MON2: variants seen among roughly 807,000 people sequenced by gnomAD.
MON2 encodes MON2 regulator of endosome-to-Golgi trafficking.
MON2 carries 84 observed loss-of-function variants against 208.6 expected under a neutral mutation model. That is an observed-to-expected ratio of 0.40 (90% CI 0.34 to 0.48). The LOEUF (loss-of-function observed/expected upper bound fraction) is 0.48, where lower values mean the gene tolerates loss of function less well. Among genes scored for constraint, MON2 ranks in the 20% least tolerant of loss-of-function variants. The probability of loss-of-function intolerance (pLI) is 0.59; values close to 1 mark genes in which losing one functional copy is unlikely to be tolerated. For synonymous variants in MON2, 660 were observed against 694.0 expected, an observed-to-expected ratio of 0.95 and a Z score of 0.77; for missense variants, 1,611 against 2,015.4, an observed-to-expected ratio of 0.80 and a Z score of 3.84.
intron 24 of MON2, among the ~76,000 whole-genome samples, chr12:62,553,609 G>C (rs1053819877): frequency 5.3e-5 from 8 of 152,104 alleles, no homozygotes; most frequent in African/African-American, 1.4e-4. Context: ...ATTAACAGAT[G>C]AATATCAATA....
rs2068991943 is a variant in MON2, at chr12:62,474,998, A to C, written c.111+7680A>C. 2.0e-5 allele frequency among the ~76,000 whole-genome samples: 3 copies of C among 152,342 alleles called. No individual in the cohort carries two copies. In the South Asian group the frequency reaches 6.2e-4, roughly 32 times the overall value. ...GGCCTTTGACATACATTAATAGCAT[A>C]CATGACTTCAAATCATTCTGTATGT... On this transcript the variant is annotated intron_variant, in intron 1 of 34. Transcript: ENST00000393630.
chr12:62,565,543 T>C (rs570909827), intron 27 of MON2, among the ~76,000 whole-genome samples, 163 bp downstream of exon 27: 1 of 152,326 alleles, frequency 6.6e-6, no homozygotes, highest in South Asian at 2.1e-4. Context: ...GAAATATTGT[T>C]TGGGAAACTA....
chr12:62,562,037 C>T (rs1565688534), intron 26 of MON2, among the ~76,000 whole-genome samples: 1 of 152,022 alleles, frequency 6.6e-6, no homozygotes, highest in African/African-American at 2.4e-5. Flanking sequence ...AAGAATCTGG[C>T]ATTTAAAAAA....
intron 21 of MON2, among the ~76,000 whole-genome samples, chr12:62,545,948 T>C (rs1419074546): frequency 1.3e-5 from 2 of 152,192 alleles, no homozygotes; most frequent in Non-Finnish European, 1.5e-5. Context: ...ACTTAGTGCA[T>C]AGTGAAAGCT....
chr12:62,566,579 T>C, intron 29 of MON2, 129 bp downstream of exon 29: 1 of 969,144 alleles, frequency 1.0e-6, no homozygotes, highest in Non-Finnish European at 1.4e-6. Flanking sequence ...TTGTAATGAC[T>C]TTTCTCCAAT....
At chr12:62,509,134 A>C (rs191341034) in intron 8 of MON2, 1 of 110,636 alleles carries the variant, frequency 9.0e-6, no homozygotes, top group East Asian at 2.5e-4. Context: ...TTTTTTTTTG[A>C]GATGGAGTCT....
intron 22 of MON2, 149 bp downstream of exon 22, chr12:62,547,221 C>G (rs1394211014): frequency 2.0e-6 from 1 of 499,202 alleles, no homozygotes; most frequent in African/African-American, 2.0e-5. Context: ...TATGCGCTTC[C>G]TGCTTAAGGC....
At chr12:62,567,400 T>C (rs900205835) in intron 29 of MON2, among the ~76,000 whole-genome samples, 18 of 152,218 alleles carry the variant, frequency 1.2e-4, no homozygotes, top group African/African-American at 4.3e-4. Flanking sequence ...TCCATATCCC[T>C]TAAACAGTTT....
intron 19 of MON2, 82 bp downstream of exon 19, chr12:62,538,587 T>C (rs887911732): frequency 5.4e-6 from 5 of 923,522 alleles, no homozygotes; most frequent in Non-Finnish European, 8.5e-6. Context: ...AGTGTTTTAC[T>C]AGTAGAACTA....
At chr12:62,512,718 T>C (rs768568899) in intron 8 of MON2, among the ~76,000 whole-genome samples, 3 of 152,222 alleles carry the variant, frequency 2.0e-5, no homozygotes, top group Non-Finnish European at 4.4e-5. Flanking sequence ...GGTGCTCCAG[T>C]AGGGACTCTG....
At position 62,559,087 on chromosome 12, in the gene MON2, A is replaced by C. The variant is rs1434671550; in HGVS notation, c.3410-1404A>C. On this transcript the variant is annotated intron_variant, in intron 25 of 34. Transcript: ENST00000393630. Reference sequence around the variant, plus strand: ...TGTCCAGAGTAGGCAGATAGTACCTATTGTTTTATACCAGACCTACTTCAA... The same window carrying C: ...TGTCCAGAGTAGGCAGATAGTACCTCTTGTTTTATACCAGACCTACTTCAA... 3.3e-5 allele frequency among the ~76,000 whole-genome samples: 5 copies of C among 152,220 alleles called. No individual in the cohort carries two copies. In the South Asian group the frequency reaches 8.3e-4, roughly 25 times the overall value.
chr12:62,524,987 T>C, intron 9 of MON2, 97 bp from the exon 10 acceptor site: 1 of 1,033,866 alleles, frequency 9.7e-7, no homozygotes, highest in South Asian at 1.7e-5. Context: ...TAGTATAGTT[T>C]GGTAACTCTT....
intron 26 of MON2, among the ~76,000 whole-genome samples, chr12:62,562,994 T>C (rs193071686): frequency 2.1e-4 from 32 of 152,304 alleles, no homozygotes; most frequent in Middle Eastern, 3.4e-3. Flanking sequence ...GTATGTGCTT[T>C]ACTGTAAGTC....
chr12:62,547,065 G>T lies in MON2; in HGVS notation c.2746G>T (p.Asp916Tyr), dbSNP rs746358749. The T allele has an allele frequency of 6.5e-6, 10 of 1,529,534 alleles. No homozygotes were observed. The highest frequency in any genetic ancestry group is 1.3e-5 in the South Asian group (1 of 74,096). The allele number at this position is 1,529,534 out of a possible 1,614,324, so 94.7% of individuals were successfully genotyped here. ...VLGVMGAIRN[D>Y]QGESLIRTAF... ...TGGAGTCATGGGAGCAATCAGAAAT[G>T]ATCAAGGGTAAGTATTTAAAATTAT... is the stretch of plus-strand genomic sequence containing the variant. The change falls in exon 22 of 35, where the codon GAT becomes TAT. Residue 916 changes from aspartate to tyrosine, a missense_variant. Physicochemically the swap from Asp to Tyr is radical, Grantham distance 160 (BLOSUM62 -3). Transcript: ENST00000393630.
At chr12:62,526,144 G>A in intron 11 of MON2, 42 bp downstream of exon 11, 1 of 1,574,066 alleles carries the variant, frequency 6.4e-7, no homozygotes, top group Non-Finnish European at 8.7e-7. Context: ...TGATGTTGTT[G>A]GGGGTGATAT....
chr12:62,467,743 T>G (rs1158954244), intron 1 of MON2, among the ~76,000 whole-genome samples: 2 of 152,238 alleles, frequency 1.3e-5, no homozygotes, highest in African/African-American at 4.8e-5. Context: ...ATTTTCCTTC[T>G]GGTATATATC....
chr12:62,490,562 A>G (rs961346510), intron 2 of MON2, among the ~76,000 whole-genome samples: 1 of 152,076 alleles, frequency 6.6e-6, no homozygotes, highest in African/African-American at 2.4e-5. Context: ...TTGGACTATT[A>G]CCACTTTTTA....
chr12:62,536,753 A>G (rs1215546373), intron 14 of MON2, among the ~76,000 whole-genome samples: 5 of 150,350 alleles, frequency 3.3e-5, no homozygotes, highest in Admixed American at 6.6e-5. Flanking sequence ...AGTGACCCAG[A>G]TCTTGGCTCA....
intron 2 of MON2, chr12:62,485,064 C>T (rs1049615463): frequency 6.6e-6 from 1 of 152,148 alleles, no homozygotes; most frequent in Non-Finnish European, 1.5e-5. Context: ...CCCAAGGTCA[C>T]AGGAAAGGTG....
Sources: allele counts gnomAD v4.1 joint callset (sites outside exome capture counted in the v4.1 genomes callset), GRCh38; gene constraint gnomAD v4.1.1; transcripts MANE v1.5; gene names NCBI Gene and HGNC (gene_info 2026-07-23, HGNC 2026-07-21).